The following FBXW7 variants were observed in gnomAD, a reference collection of about 807,000 sequenced individuals.
The protein encoded by FBXW7 is F-box/WD repeat-containing protein 7.
FBXW7 carries 11 observed loss-of-function variants against 86.3 expected under a neutral mutation model. The ratio of observed to expected loss-of-function variants is 0.13; its 90% confidence interval spans 0.08 to 0.21. The LOEUF (loss-of-function observed/expected upper bound fraction) is 0.21, where lower values mean the gene tolerates loss of function less well. FBXW7 is among the 10% of genes least tolerant of loss of function. FBXW7 has a pLI of 1.00. For synonymous variants in FBXW7, 313 were observed against 297.9 expected, an observed-to-expected ratio of 1.05 and a Z score of -0.52; for missense variants, 488 against 847.4, an observed-to-expected ratio of 0.58 and a Z score of 5.27.
chr4:152,510,903 T>C (rs1747898936), intron 2 of FBXW7, among the ~76,000 whole-genome samples: 2 of 152,244 alleles, frequency 1.3e-5, no homozygotes, highest in Admixed American at 6.5e-5. Context: ...TACCAAATAA[T>C]CCATCTTCTC....
chr4:152,369,254 A>G (rs545186224), intron 4 of FBXW7, among the ~76,000 whole-genome samples: 28 of 152,178 alleles, frequency 1.8e-4, no homozygotes, highest in Middle Eastern at 3.4e-3. Context: ...TTATCCTTAC[A>G]ACAACCCTCT....
chr4:152,517,719 C>T (rs1748626932), intron 2 of FBXW7, among the ~76,000 whole-genome samples: 1 of 152,182 alleles, frequency 6.6e-6, no homozygotes, highest in African/African-American at 2.4e-5. Context: ...ATGAAGGACA[C>T]AGAACAGTGC....
At chr4:152,372,871 T>C (rs1734124360) in intron 4 of FBXW7, among the ~76,000 whole-genome samples, 1 of 152,020 alleles carries the variant, frequency 6.6e-6, no homozygotes, top group South Asian at 2.1e-4. Flanking sequence ...TTATAAATCA[T>C]GTGCTAAGTC....
At chr4:152,386,386 T>C (rs1025168075) in intron 4 of FBXW7, among the ~76,000 whole-genome samples, 1 of 152,060 alleles carries the variant, frequency 6.6e-6, no homozygotes, top group African/African-American at 2.4e-5. Flanking sequence ...TAAAAATTAG[T>C]TGATATAAGT....
intron 2 of FBXW7, among the ~76,000 whole-genome samples, chr4:152,488,479 G>A (rs753139172): frequency 6.6e-6 from 1 of 152,052 alleles, no homozygotes; most frequent in South Asian, 2.1e-4. Context: ...CATTAATGCT[G>A]CTAATAAAGC....
intron 2 of FBXW7, among the ~76,000 whole-genome samples, chr4:152,463,713 T>C (rs934405983): frequency 6.6e-6 from 1 of 152,150 alleles, no homozygotes; most frequent in Non-Finnish European, 1.5e-5. Flanking sequence ...ACTGAGAAAG[T>C]GGTAAAACAG....
At chr4:152,342,063 A>AT (rs1342749936) in intron 6 of FBXW7, among the ~76,000 whole-genome samples, 1 of 152,186 alleles carries the variant, frequency 6.6e-6, no homozygotes, top group East Asian at 1.9e-4. Flanking sequence ...AAAAAAAAAA[A>AT]GTACTTCCTT....
At chr4:152,441,903 A>C (rs1740926726) in intron 2 of FBXW7, among the ~76,000 whole-genome samples, 1 of 152,318 alleles carries the variant, frequency 6.6e-6, no homozygotes, top group East Asian at 1.9e-4. Flanking sequence ...CTGTTTCTTA[A>C]ACATTATCTT....
intron 4 of FBXW7, among the ~76,000 whole-genome samples, chr4:152,389,796 T>C (rs1297632121): frequency 6.6e-6 from 1 of 152,072 alleles, no homozygotes; most frequent in African/African-American, 2.4e-5. Context: ...ATATTACATA[T>C]ATGGCCTTCT....
chr4:152,453,776 T>C (rs1343366665), intron 2 of FBXW7, among the ~76,000 whole-genome samples: 1 of 152,200 alleles, frequency 6.6e-6, no homozygotes, highest in Non-Finnish European at 1.5e-5. Context: ...TTTTTCAGCA[T>C]GTGTTAGTTT....
intron 8 of FBXW7, 24 bp downstream of exon 8, chr4:152,332,572 T>C: frequency 6.5e-7 from 1 of 1,547,386 alleles, no homozygotes; most frequent in Non-Finnish European, 8.8e-7. Context: ...ATAAACATAT[T>C]CTCTATGCAA....
rs1462861861 is a variant in FBXW7, at chr4:152,326,025, T to C, written c.1625A>G (p.Asn542Ser). Residue 542 changes from asparagine to serine, a missense_variant, in exon 12 of 14, where the codon AAT becomes AGT. Asn to Ser is a conservative substitution (Grantham distance 46). Transcript: ENST00000281708. Reference protein sequence around the residue: ...TCLHTLQGHTNRVYSLQFDGI... With the variant: ...TCLHTLQGHTSRVYSLQFDGI... The stretch of plus-strand genomic sequence containing the variant: ...TCTTACCTGTAATGAATAGACTCTA[T>C]TAGTATGCCCCTGCAACGTGTGTAG... 6.2e-7 allele frequency: 1 copy of C among 1,613,084 alleles called. No individual in the cohort carries two copies. Among genetic ancestry groups the C allele is most frequent in the Non-Finnish European group, 8.5e-7 (1 of 1,179,302 alleles).
In FBXW7 at chr4:152,333,424, A is replaced by C. The variant is rs899394887; in HGVS notation, c.862-705T>G. Among the ~76,000 whole-genome samples the C allele has an allele frequency of 6.6e-5, 10 of 152,208 alleles. No homozygotes were observed. The South Asian group carries it at 1.7e-3, about 25-fold the overall frequency. On this transcript the variant is annotated intron_variant, in intron 7 of 13. Coordinates refer to ENST00000281708, the MANE Select transcript of FBXW7 (RefSeq NM_001349798.2). The stretch of plus-strand genomic sequence containing the variant: ...AAAACTTTGTTTATAATACTTATAA[A>C]CTATTGATTTTTTTTCAGTGTGTCA...
intron 2 of FBXW7, among the ~76,000 whole-genome samples, chr4:152,515,672 AAAG>A (rs1208868751): frequency 6.6e-6 from 1 of 152,232 alleles, no homozygotes; most frequent in African/African-American, 2.4e-5. Flanking sequence ...TGTTTACAAA[AAAG>A]AACACAAACA....
At chr4:152,340,512 C>G (rs1162422353) in intron 6 of FBXW7, among the ~76,000 whole-genome samples, 1 of 142,186 alleles carries the variant, frequency 7.0e-6, no homozygotes, top group Non-Finnish European at 1.5e-5. Flanking sequence ...CCGGGAGGAG[C>G]TTGCAGTGAG....
chr4:152,371,974 A>G (rs544361798), intron 4 of FBXW7, among the ~76,000 whole-genome samples: 6 of 151,984 alleles, frequency 3.9e-5, no homozygotes, highest in Non-Finnish European at 8.8e-5. Context: ...GAGAGTATGC[A>G]TACTATATAT....
intron 6 of FBXW7, among the ~76,000 whole-genome samples, chr4:152,344,261 AG>A (rs1485828531): frequency 6.6e-6 from 1 of 152,166 alleles, no homozygotes; most frequent in Admixed American, 6.6e-5. Context: ...CTGAAAATAA[AG>A]GGCAGTGTAC....
At chr4:152,519,090 A>C (rs1238955244) in intron 2 of FBXW7, among the ~76,000 whole-genome samples, 1 of 152,196 alleles carries the variant, frequency 6.6e-6, no homozygotes, top group African/African-American at 2.4e-5. Flanking sequence ...CGAGGTCAGG[A>C]GATCGAGACC....
intron 2 of FBXW7, among the ~76,000 whole-genome samples, chr4:152,435,025 T>C (rs1224724088): frequency 7.6e-6 from 1 of 130,814 alleles, no homozygotes; most frequent in Non-Finnish European, 1.6e-5. Context: ...GAGCAATGGG[T>C]TCAGCATGCA....
Sources: gnomAD v4.1 joint callset for allele counts (sites outside exome capture counted in the v4.1 genomes callset) on GRCh38, gnomAD v4.1.1 for gene constraint, MANE v1.5 for transcripts, NCBI Gene and HGNC (gene_info 2026-07-23, HGNC 2026-07-21) for gene names.